Variants in NUMB observed in about 807,000 individuals in gnomAD.
NUMB encodes protein numb homolog.
NUMB carries 29 observed loss-of-function variants against 59.7 expected under a neutral mutation model. That is an observed-to-expected ratio of 0.49 (90% CI 0.36 to 0.66). The LOEUF (loss-of-function observed/expected upper bound fraction) is 0.66. Ranked by LOEUF, NUMB falls within the 30% of genes least tolerant of loss-of-function variation. The pLI, the probability that NUMB is intolerant of heterozygous loss-of-function variation, is 0.00. For missense variants in NUMB, 723 were observed against 822.0 expected (o/e 0.88, Z 1.47); for synonymous variants, 288 against 288.2 (o/e 1.00, Z 0.01).
Position 73,288,504 on chromosome 14 carries a change from T to C in NUMB, c.451-1190A>G, listed in dbSNP as rs543550238. 2.0e-5 allele frequency among the ~76,000 whole-genome samples: 3 copies of C among 152,206 alleles called. No individual in the cohort carries two copies. The East Asian group carries it at 5.8e-4, about 29-fold the overall frequency. ...AAGTAGAGGTTGCTGTGAGCTGAGA[T>C]GGCGCCATTGCACTCCAGCCTGGGC... On this transcript the variant is annotated intron_variant, in intron 8 of 12. Coordinates refer to ENST00000555238, the MANE Select transcript of NUMB (RefSeq NM_001005743.2).
intron 1 of NUMB, among the ~76,000 whole-genome samples, chr14:73,426,542 A>T (rs1161745528): frequency 6.6e-6 from 1 of 152,106 alleles, no homozygotes; most frequent in Non-Finnish European, 1.5e-5. Flanking sequence ...ATCCATCTCT[A>T]CAAAAAATTT....
chr14:73,295,826 G>A (rs1187048155), intron 7 of NUMB, among the ~76,000 whole-genome samples: 1 of 151,976 alleles, frequency 6.6e-6, no homozygotes, highest in African/African-American at 2.4e-5. Context: ...AGAGCTGTGT[G>A]TCTATTCTTA....
chr14:73,305,177 C>T (rs562065229), intron 6 of NUMB, among the ~76,000 whole-genome samples: 1 of 152,258 alleles, frequency 6.6e-6, no homozygotes, highest in South Asian at 2.1e-4. Context: ...ATTGCAACTA[C>T]TCAACTCTAT....
At chr14:73,334,708 G>A (rs10141385) in intron 4 of NUMB, among the ~76,000 whole-genome samples, 37,607 of 151,930 alleles carry the variant, frequency 0.25, 4,970 homozygotes, top group African/African-American at 0.26. Context: ...CAGCACTTTG[G>A]GAGGCCAAGG....
intron 6 of NUMB, among the ~76,000 whole-genome samples, chr14:73,312,920 A>T (rs984894046): frequency 9.9e-5 from 15 of 151,400 alleles, no homozygotes; most frequent in Non-Finnish European, 2.1e-4. Context: ...TGACATATGT[A>T]TTCTGGTGAT....
At chr14:73,457,029 C>T (rs1354180398) in intron 1 of NUMB, among the ~76,000 whole-genome samples, 1 of 149,094 alleles carries the variant, frequency 6.7e-6, no homozygotes, top group East Asian at 1.9e-4. Flanking sequence ...AAAAGCTCTA[C>T]AAATACCAAC....
chr14:73,447,814 ACT>A (rs1410908496), intron 1 of NUMB, among the ~76,000 whole-genome samples: 2 of 147,558 alleles, frequency 1.4e-5, no homozygotes, highest in East Asian at 3.9e-4. Context: ...ATGGAGGCTG[ACT>A]CTGTCACCCA....
chr14:73,450,623 T>C (rs1214944643), intron 1 of NUMB, among the ~76,000 whole-genome samples: 1 of 151,040 alleles, frequency 6.6e-6, no homozygotes, highest in Non-Finnish European at 1.5e-5. Context: ...GGCGGAACCC[T>C]GTTTCTACTA....
chr14:73,301,442 T>C (rs1427659258), intron 6 of NUMB, among the ~76,000 whole-genome samples: 2 of 152,212 alleles, frequency 1.3e-5, no homozygotes, highest in Non-Finnish European at 2.9e-5. Flanking sequence ...CCCAATTATA[T>C]GCTTGTTTGT....
At chr14:73,388,246 C>T (rs1438445900) in intron 2 of NUMB, among the ~76,000 whole-genome samples, 1 of 152,152 alleles carries the variant, frequency 6.6e-6, no homozygotes, top group Non-Finnish European at 1.5e-5. Context: ...GAGCTCTTTC[C>T]ACTACAAATT....
intron 6 of NUMB, among the ~76,000 whole-genome samples, chr14:73,307,080 C>T (rs1455004292): frequency 1.3e-5 from 2 of 152,102 alleles, no homozygotes; most frequent in Non-Finnish European, 2.9e-5. Flanking sequence ...GAGGCCAAGG[C>T]GGGTGGATCA....
intron 2 of NUMB, among the ~76,000 whole-genome samples, chr14:73,406,153 G>C (rs1459677417): frequency 6.8e-6 from 1 of 146,532 alleles, no homozygotes; most frequent in Non-Finnish European, 1.5e-5. Context: ...GTGCAGGTTT[G>C]TTACATATGT....
At position 73,276,843 on chromosome 14, in the gene NUMB, T is replaced by C; in HGVS notation, c.1691A>G (p.His564Arg). The part of the protein sequence containing the change: ...PSLVRQQTFP[H>R]YEASSATTSP... ...GGTGGTAGCACTGCTTGCCTCGTAG[T>C]GAGGGAATGTCTGCTGCCTGACCAG... is the stretch of plus-strand genomic sequence containing the variant. Residue 564 changes from histidine to arginine, a missense_variant, in exon 13 of 13, where the codon CAC becomes CGC. Coordinates refer to ENST00000555238, the MANE Select transcript of NUMB (RefSeq NM_001005743.2). The C allele has an allele frequency of 6.2e-7, 1 of 1,614,062 alleles. No homozygotes were observed.
chr14:73,397,250 G>A (rs1212304198), intron 2 of NUMB, among the ~76,000 whole-genome samples: 2 of 152,164 alleles, frequency 1.3e-5, no homozygotes, highest in Non-Finnish European at 2.9e-5. Flanking sequence ...CCCAAGTAAT[G>A]CTGGTATCTC....
At chr14:73,419,509 AAAAT>A (rs1019457103) in intron 1 of NUMB, among the ~76,000 whole-genome samples, 5 of 152,184 alleles carry the variant, frequency 3.3e-5, no homozygotes, top group Admixed American at 1.3e-4. Context: ...ACTCCATCAC[AAAAT>A]AAATAAATAA....
intron 9 of NUMB, 194 bp downstream of exon 9, chr14:73,286,916 A>G: frequency 1.7e-6 from 1 of 602,226 alleles, no homozygotes; most frequent in Non-Finnish European, 3.0e-6. Context: ...ACTATAATGG[A>G]GTAAATATTT....
intron 2 of NUMB, among the ~76,000 whole-genome samples, chr14:73,367,296 T>TATATACACACAC (rs1406816784): frequency 1.9e-3 from 225 of 120,812 alleles, no homozygotes; most frequent in African/African-American, 7.9e-3. Flanking sequence ...TATATATATA[T>TATATACACACAC]ACACACACAC....
intron 1 of NUMB, among the ~76,000 whole-genome samples, chr14:73,430,636 AAAAC>A (rs1431544397): frequency 6.6e-6 from 1 of 151,976 alleles, no homozygotes; most frequent in Non-Finnish European, 1.5e-5. Flanking sequence ...ACTCCGTCTC[AAAAC>A]AAACAAAAAA....
intron 8 of NUMB, among the ~76,000 whole-genome samples, chr14:73,289,347 T>G (rs1307480415): frequency 6.6e-6 from 1 of 152,190 alleles, no homozygotes; most frequent in Non-Finnish European, 1.5e-5. Flanking sequence ...TTACCCAGAG[T>G]CAATTTAATA....
Sources: gnomAD v4.1 joint callset for allele counts (sites outside exome capture counted in the v4.1 genomes callset) on GRCh38, gnomAD v4.1.1 for gene constraint, MANE v1.5 for transcripts, NCBI Gene and HGNC (gene_info 2026-07-23, HGNC 2026-07-21) for gene names.